The following DRC8 variants were observed in gnomAD, a reference collection of about 807,000 sequenced individuals.
DRC8 encodes dynein regulatory complex subunit 8.
chr1:245,118,111 C>A, the DRC8 span, among the ~76,000 whole-genome samples: 2 of 152,080 alleles, frequency 1.3e-5, no homozygotes, highest in African/African-American at 4.8e-5. Flanking sequence ...ATGGGCCTGC[C>A]CTGTCTGACT....
the DRC8 span, among the ~76,000 whole-genome samples, chr1:245,000,780 CAAA>C: frequency 5.8e-3 from 841 of 144,986 alleles, 7 homozygotes; most frequent in African/African-American, 0.016. Flanking sequence ...GACTCCATCT[CAAA>C]AAAAAAAAAA....
At chr1:245,027,384 GA>G in the DRC8 span, among the ~76,000 whole-genome samples, 1,353 of 152,054 alleles carry the variant, frequency 8.9e-3, 22 homozygotes, top group African/African-American at 0.031. Flanking sequence ...AGATATTGAA[GA>G]AAAAATCTAG....
chr1:245,086,546 C>T, the DRC8 span, among the ~76,000 whole-genome samples: 4 of 152,206 alleles, frequency 2.6e-5, no homozygotes, highest in Admixed American at 1.3e-4. Flanking sequence ...GAATCAAGTT[C>T]CTACAAGATA....
the DRC8 span, among the ~76,000 whole-genome samples, chr1:245,076,617 A>G: frequency 6.6e-6 from 1 of 152,246 alleles, no homozygotes; most frequent in African/African-American, 2.4e-5. Flanking sequence ...GATATAATAT[A>G]TGGAATCTTT....
chr1:245,112,236 G>A, the DRC8 span, among the ~76,000 whole-genome samples: 2 of 152,036 alleles, frequency 1.3e-5, no homozygotes, highest in African/African-American at 4.8e-5. Flanking sequence ...CACCACACCC[G>A]GCTAATTTTG....
the DRC8 span, among the ~76,000 whole-genome samples, chr1:245,111,476 G>A: frequency 4.6e-5 from 7 of 152,232 alleles, no homozygotes; most frequent in East Asian, 1.2e-3. Context: ...TGCAGTTGGT[G>A]CAAAATGAAT....
chr1:245,062,121 CAA>C, the DRC8 span, among the ~76,000 whole-genome samples: 14 of 151,988 alleles, frequency 9.2e-5, no homozygotes, highest in Non-Finnish European at 1.8e-4. Context: ...AACGAACAAA[CAA>C]AAAATAGTCC....
chr1:245,051,562 G>A, the DRC8 span, among the ~76,000 whole-genome samples: 9 of 152,242 alleles, frequency 5.9e-5, no homozygotes, highest in Middle Eastern at 3.4e-3. Flanking sequence ...GAGAGCTACC[G>A]ATGGCAGGAT....
the DRC8 span, among the ~76,000 whole-genome samples, chr1:245,009,490 T>TG: frequency 8.4e-3 from 1,216 of 145,100 alleles, 27 homozygotes; most frequent in African/African-American, 0.029. Flanking sequence ...TTTTTTGAGT[T>TG]GGAGTCTCGC....
At chr1:244,983,254 G>A in the DRC8 span, among the ~76,000 whole-genome samples, 1 of 152,162 alleles carries the variant, frequency 6.6e-6, no homozygotes, top group African/African-American at 2.4e-5. Flanking sequence ...TTCCTTCTAG[G>A]TTTTGTCTAG....
chr1:245,041,182 C>A, the DRC8 span, among the ~76,000 whole-genome samples: 1 of 152,068 alleles, frequency 6.6e-6, no homozygotes, highest in African/African-American at 2.4e-5. Context: ...TATAAAGGCC[C>A]TTTGAAGGGG....
the DRC8 span, among the ~76,000 whole-genome samples, chr1:245,020,160 G>A: frequency 1.2e-3 from 190 of 152,230 alleles, no homozygotes; most frequent in African/African-American, 4.4e-3. Context: ...CCCCTGAGAG[G>A]TCTAGGTCTT....
chr1:245,101,816 G>A, the DRC8 span, among the ~76,000 whole-genome samples: 32 of 152,052 alleles, frequency 2.1e-4, no homozygotes, highest in African/African-American at 6.5e-4. Flanking sequence ...ATCCATTGTC[G>A]TCATTATTCT....
At chr1:245,019,294 T>C in the DRC8 span, among the ~76,000 whole-genome samples, 3 of 147,092 alleles carry the variant, frequency 2.0e-5, no homozygotes, top group African/African-American at 8.0e-5. Flanking sequence ...CATGGATGAA[T>C]GTAGCTTTAT....
the DRC8 span, chr1:245,030,778 C>G: frequency 2.6e-5 from 4 of 152,392 alleles, no homozygotes; most frequent in Non-Finnish European, 5.9e-5. Context: ...CTGTGCCGTT[C>G]CTCTTCCATC....
chr1:244,970,259 G>C, the DRC8 span: 1 of 738,268 alleles, frequency 1.4e-6, no homozygotes, highest in Non-Finnish European at 2.4e-6. Context: ...CGCGCGCTCG[G>C]AGCCTCCTCC....
chr1:245,033,564 A>G, the DRC8 span, among the ~76,000 whole-genome samples: 1 of 152,054 alleles, frequency 6.6e-6, no homozygotes, highest in Non-Finnish European at 1.5e-5. Context: ...TTTATTGAGC[A>G]CTCTGTTCCT....
chr1:245,017,273 C>T, the DRC8 span: 1 of 1,609,238 alleles, frequency 6.2e-7, no homozygotes, highest in Non-Finnish European at 8.5e-7. Flanking sequence ...ACAAAAAAAT[C>T]AAAGAGGCAT....
At chr1:244,998,813 C>T in the DRC8 span, among the ~76,000 whole-genome samples, 1 of 152,040 alleles carries the variant, frequency 6.6e-6, no homozygotes, top group Admixed American at 6.6e-5. Flanking sequence ...TTTCTTCTGC[C>T]ATTCCCATAA....
Sources: gnomAD v4.1 joint callset for allele counts (sites outside exome capture counted in the v4.1 genomes callset) on GRCh38, gnomAD v4.1.1 for gene constraint, MANE v1.5 for transcripts, NCBI Gene and HGNC (gene_info 2026-07-23, HGNC 2026-07-21) for gene names.